Variants in CACNA1D observed in about 807,000 individuals in gnomAD.
CACNA1D encodes voltage-dependent L-type calcium channel subunit alpha-1D.
CACNA1D carries 55 observed loss-of-function variants against 257.1 expected under a neutral mutation model. The observed-to-expected ratio is 0.21, with a 90% CI of 0.17 to 0.27. The LOEUF is 0.27. CACNA1D is among the 10% of genes least tolerant of loss of function. The pLI is 1.00. For missense variants in CACNA1D, 1,876 were observed against 2,784.0 expected, an observed-to-expected ratio of 0.67 and a Z score of 7.34; for synonymous variants, 980 against 1,014.9, an observed-to-expected ratio of 0.97 and a Z score of 0.65.
intron 3 of CACNA1D, among the ~76,000 whole-genome samples, chr3:53,538,148 T>TG (rs2092173647): frequency 1.1e-5 from 1 of 93,448 alleles, no homozygotes; most frequent in African/African-American, 3.4e-5. Context: ...GAAGTTTTTT[T>TG]TTTTTTTTTT....
intron 3 of CACNA1D, among the ~76,000 whole-genome samples, chr3:53,642,551 G>A (rs2093970299): frequency 6.6e-6 from 1 of 152,230 alleles, no homozygotes; most frequent in Non-Finnish European, 1.5e-5. Flanking sequence ...CAGGCTAACT[G>A]TTGTAGTCTT....
intron 30 of CACNA1D, among the ~76,000 whole-genome samples, chr3:53,766,980 C>T (rs754302935): frequency 2.6e-5 from 4 of 152,186 alleles, no homozygotes; most frequent in East Asian, 1.9e-4. Flanking sequence ...CCACCAGTTC[C>T]CTTCATGTTG....
chr3:53,618,809 G>T (rs1576112883), intron 3 of CACNA1D, among the ~76,000 whole-genome samples: 1 of 152,212 alleles, frequency 6.6e-6, no homozygotes, highest in African/African-American at 2.4e-5. Flanking sequence ...TAGTTGACGG[G>T]CTGGCTTTGC....
At chr3:53,582,611 C>G (rs1247891921) in intron 3 of CACNA1D, among the ~76,000 whole-genome samples, 2 of 151,970 alleles carry the variant, frequency 1.3e-5, no homozygotes, top group African/African-American at 4.8e-5. Context: ...AGGTGGATCC[C>G]TAGGTGGGGG....
intron 3 of CACNA1D, among the ~76,000 whole-genome samples, chr3:53,621,999 G>A (rs1004135848): frequency 7.2e-5 from 11 of 151,906 alleles, no homozygotes; most frequent in African/African-American, 2.4e-4. Context: ...GACTCTTAAC[G>A]CATCATCGGA....
chr3:53,757,641 A>G (rs1385159620), intron 29 of CACNA1D, among the ~76,000 whole-genome samples: 1 of 152,178 alleles, frequency 6.6e-6, no homozygotes, highest in East Asian at 1.9e-4. Context: ...CGAATATTCA[A>G]AGTCCTCCAT....
At chr3:53,686,766 ATCT>A (rs1373321357) in intron 8 of CACNA1D, among the ~76,000 whole-genome samples, 4 of 151,824 alleles carry the variant, frequency 2.6e-5, no homozygotes, top group Admixed American at 1.3e-4. Context: ...CCATTTTTCT[ATCT>A]TCTTTTATTC....
At position 53,762,066 on chromosome 3, in the gene CACNA1D, C is replaced by A. The variant is rs764358435; in HGVS notation, c.3855C>A (p.Ala1285=). The change falls in exon 30 of 48, where the codon GCC becomes GCA. Residue 1285 remains alanine, a synonymous_variant. Coordinates refer to ENST00000350061, the MANE Select transcript of CACNA1D (RefSeq NM_001128840.3). ...TAATCGGCAGCATTATAGACGTGGC[C>A]CTCAGCGAAGCAGACGTGAGTATGC... The part of the protein sequence containing the change: ...LIVIGSIIDV[A]LSEADPTESE... 1.9e-6 allele frequency: 3 copies of A among 1,612,656 alleles called. No homozygotes were observed. Among genetic ancestry groups the A allele is most frequent in the Non-Finnish European group, 2.5e-6 (3 of 1,178,626 alleles).
rs1455879649 is a variant in CACNA1D at position 53,811,166 on chromosome 3, A to G, written c.6246A>G (p.Ser2082=). Residue 2082 remains serine, a synonymous_variant, in exon 48 of 48, where the codon TCA becomes TCG. Transcript: ENST00000350061. This position sits in a 1 kb window ranked among gnomAD's most constrained non-coding sequence, Gnocchi z 4.2. ...ATGCAAGGGACCCAAAATTTGTGTC[A>G]GCAACAAAACACGAAATCGCTGATG... is the stretch of plus-strand genomic sequence containing the variant. ...GRYARDPKFV[S]ATKHEIADAC... 2.5e-6 allele frequency: 4 copies of G among 1,614,020 alleles called. No individual in the cohort carries two copies. The Admixed American group carries it at 6.7e-5, about 27-fold the overall frequency.
intron 9 of CACNA1D, among the ~76,000 whole-genome samples, chr3:53,714,690 A>G (rs990229235): frequency 6.6e-6 from 1 of 152,258 alleles, no homozygotes; most frequent in African/African-American, 2.4e-5. Flanking sequence ...TACCAGTGAA[A>G]CCACAGTACA....
chr3:53,800,853 G>C lies in CACNA1D; in HGVS notation c.5041-205G>C. The C allele has an allele frequency of 1.6e-6, 1 of 623,992 alleles. No individual in the cohort carries two copies. The highest frequency in any genetic ancestry group is 2.9e-6 in the Non-Finnish European group (1 of 350,042). 38.7% of individuals were successfully genotyped at this position (623,992 alleles called of 1,614,324 possible). ...GCCGACAGCTTGCTCCCCAGCTCAGGAAATCGGTAACCTTCCTCATCTCGG... is the reference window on the plus strand; with the variant it reads ...GCCGACAGCTTGCTCCCCAGCTCAGCAAATCGGTAACCTTCCTCATCTCGG... On this transcript the variant is annotated intron_variant, in intron 41 of 47. Transcript: ENST00000350061. The surrounding 1 kb of genome is among the most constrained non-coding windows in gnomAD (Gnocchi z 4.3).
At position 53,770,438 on chromosome 3, in the gene CACNA1D, C is replaced by T. The variant is rs758790811; in HGVS notation, c.3930C>T (p.Ser1310=). ...TAACCCTTCAGAACTCTGAAGAGAG[C>T]AATAGAATCTCCATCACCTTTTTCC... is the stretch of plus-strand genomic sequence containing the variant. ...PTATPGNSEE[S]NRISITFFRL... Residue 1310 remains serine, a synonymous_variant, in exon 32 of 48, where the codon AGC becomes AGT. Coordinates refer to ENST00000350061, the MANE Select transcript of CACNA1D (RefSeq NM_001128840.3). 3.7e-6 allele frequency: 6 copies of T among 1,613,710 alleles called. No individual in the cohort carries two copies. The Admixed American group carries it at 5.0e-5, about 13-fold the overall frequency.
chr3:53,496,821 G>A (rs998284003), intron 1 of CACNA1D, among the ~76,000 whole-genome samples: 4 of 152,108 alleles, frequency 2.6e-5, no homozygotes, highest in South Asian at 2.1e-4. Flanking sequence ...TCAGAGATGC[G>A]GAGTAAATGT....
intron 20 of CACNA1D, among the ~76,000 whole-genome samples, chr3:53,737,733 G>A (rs958711446): frequency 6.6e-6 from 1 of 152,244 alleles, no homozygotes; most frequent in Non-Finnish European, 1.5e-5. Flanking sequence ...TGAGGCAGGA[G>A]AATCGCTTGA....
intron 33 of CACNA1D, chr3:53,773,977 C>T (rs143683439): frequency 6.5e-6 from 1 of 153,840 alleles, no homozygotes; most frequent in African/African-American, 2.4e-5. Flanking sequence ...AGTACCTTCC[C>T]ATTGCCCTGA....
intron 29 of CACNA1D, among the ~76,000 whole-genome samples, chr3:53,757,714 G>A (rs1005811330): frequency 1.3e-5 from 2 of 151,812 alleles, no homozygotes; most frequent in African/African-American, 2.4e-5. Flanking sequence ...CTATTTCTTC[G>A]TCCCCACCCC....
At chr3:53,781,404 G>A (rs191955807) in intron 38 of CACNA1D, among the ~76,000 whole-genome samples, 162 bp from the exon 39 acceptor site, 1 of 152,194 alleles carries the variant, frequency 6.6e-6, no homozygotes, top group Non-Finnish European at 1.5e-5. Context: ...CTGAATATAG[G>A]AAGTGTGTTT....
At chr3:53,654,880 C>T (rs1174739213) in intron 4 of CACNA1D, among the ~76,000 whole-genome samples, 5 of 151,824 alleles carry the variant, frequency 3.3e-5, no homozygotes, top group Non-Finnish European at 7.4e-5. Flanking sequence ...CCCCTAAATC[C>T]AAAACAGGCA....
At chr3:53,645,846 G>A (rs568506863) in intron 3 of CACNA1D, among the ~76,000 whole-genome samples, 66 of 152,254 alleles carry the variant, frequency 4.3e-4, no homozygotes, top group African/African-American at 1.5e-3. Context: ...GAGAAAGAGG[G>A]TTGGGGAGAC....
Sources: gnomAD v4.1 joint callset for allele counts (sites outside exome capture counted in the v4.1 genomes callset) on GRCh38, gnomAD v4.1.1 for gene constraint, Gnocchi (gnomAD v3.1) non-coding constraint, MANE v1.5 for transcripts, NCBI Gene and HGNC (gene_info 2026-07-23, HGNC 2026-07-21) for gene names.